Variants in COPB1 observed in about 807,000 individuals in gnomAD.
The protein encoded by COPB1 is coatomer subunit beta.
A neutral mutation model predicts 108.7 loss-of-function variants in COPB1; 21 were observed. The ratio of observed to expected loss-of-function variants is 0.19; its 90% confidence interval spans 0.14 to 0.28. The LOEUF is 0.28. Ranked by LOEUF, COPB1 falls within the 10% of genes least tolerant of loss-of-function variation. COPB1 has a pLI of 1.00. For synonymous variants in COPB1, 378 were observed against 386.8 expected (o/e 0.98, Z 0.27); for missense variants, 919 against 1,141.3 (o/e 0.81, Z 2.81).
chr11:14,477,829 G>A (rs529260829), intron 11 of COPB1, among the ~76,000 whole-genome samples: 4 of 151,178 alleles, frequency 2.6e-5, no homozygotes, highest in South Asian at 4.2e-4. Context: ...CATGAGAGGC[G>A]GCGGTTGCAG....
chr11:14,470,929 C>A (rs1333778622), intron 14 of COPB1, among the ~76,000 whole-genome samples: 1 of 133,752 alleles, frequency 7.5e-6, no homozygotes, highest in African/African-American at 3.5e-5. Context: ...CACACACACA[C>A]ACACACACAC....
intron 8 of COPB1, 49 bp from the exon 9 acceptor site, chr11:14,481,146 AGG>A: frequency 6.9e-7 from 1 of 1,441,580 alleles, no homozygotes. Flanking sequence ...TTCTGGTCAC[AGG>A]AAAAAAATCT....
At position 14,461,461 on chromosome 11, in the gene COPB1, A is replaced by T. The variant is rs1850148301; in HGVS notation, c.2411-130T>A. The T allele has an allele frequency of 7.9e-6, 7 of 890,690 alleles. No individual in the cohort carries two copies. In the South Asian group the frequency reaches 1.3e-4, roughly 16 times the overall value. The allele number at this position is 890,690 out of a possible 1,614,324, so 55.2% of individuals were successfully genotyped here. ...TGTTTATATAATACTTATTATGTAC[A>T]GAGCTCTATTCTACATGCTTTATAA... On this transcript the variant is annotated intron_variant, in intron 18 of 21. Coordinates refer to ENST00000439561, the MANE Select transcript of COPB1 (RefSeq NM_001144061.2).
At chr11:14,468,935 C>A in intron 15 of COPB1, 75 bp from the exon 16 acceptor site, 1 of 1,232,420 alleles carries the variant, frequency 8.1e-7, no homozygotes, top group Non-Finnish European at 1.1e-6. Flanking sequence ...CAGAGACAGC[C>A]CTCACATATG....
Position 14,481,099 on chromosome 11 carries a change from T to C in COPB1, c.958-2A>G. 1 of 1,599,174 alleles carries C rather than the reference T, an allele frequency of 6.3e-7. No individual in the cohort carries two copies. Among genetic ancestry groups the C allele is most frequent in the Non-Finnish European group, 8.5e-7 (1 of 1,174,804 alleles). ...TCTTAGGATATCCATAACCAGATCCTAAAAAAGAAGAAAAAATCAAGAATT... is the reference window on the plus strand; with the variant it reads ...TCTTAGGATATCCATAACCAGATCCCAAAAAAGAAGAAAAAATCAAGAATT... On this transcript the variant is annotated splice_acceptor_variant, in intron 8 of 21. Transcript: ENST00000439561. LOFTEE classifies it high-confidence loss of function.
rs780041296 is a variant in COPB1, at chr11:14,494,450, AAT to A, written c.92-13_92-12del. 74 of 1,435,254 alleles carry A rather than the reference AAT, an allele frequency of 5.2e-5. No homozygotes were observed. The African/African-American group carries it at 9.3e-4, about 18-fold the overall frequency. 88.9% of individuals were successfully genotyped at this position (1,435,254 alleles called of 1,614,324 possible). On this transcript the variant is annotated splice_polypyrimidine_tract_variant and intron_variant, in intron 2 of 21. Coordinates refer to ENST00000439561, the MANE Select transcript of COPB1 (RefSeq NM_001144061.2). ...TTACATCTCCTTTTTCTGAATCAAA[AAT>A]TTTTTTAAAAAAAAGCACAATTATT...
Position 14,494,198 on chromosome 11 carries a change from G to A in COPB1, c.321+12C>T, listed in dbSNP as rs746521172. 5.2e-6 allele frequency: 8 copies of A among 1,528,792 alleles called. No homozygotes were observed. The South Asian group carries it at 8.1e-5, about 16-fold the overall frequency. The allele number at this position is 1,528,792 out of a possible 1,614,324, so 94.7% of individuals were successfully genotyped here. A position where few individuals can be genotyped will look rare whatever the true frequency, so the allele number is the denominator to read the frequency against. ...CAAAGCAATATTCAGAAATAATTAT[G>A]ATTTGGTTTACCTTTCTGTATGCAT... is the stretch of plus-strand genomic sequence containing the variant. On this transcript the variant is annotated intron_variant, in intron 3 of 21. Transcript: ENST00000439561.
At position 14,475,862 on chromosome 11, in the gene COPB1, T is replaced by C; in HGVS notation, c.1539A>G (p.Lys513=). 1 of 1,613,942 alleles carries C rather than the reference T, an allele frequency of 6.2e-7. No individual in the cohort carries two copies. The highest frequency in any genetic ancestry group is 1.1e-5 in the South Asian group (1 of 91,062). ...CATAGGTACCCATTTCAGTAACCAA[T>C]TTCTGAACTGGCCCTACAGTTATTT... The part of the protein sequence containing the change: ...EEEITVGPVQ[K]LVTEMGTYAT... The change falls in exon 13 of 22, where the codon AAA becomes AAG. Residue 513 remains lysine (K), a synonymous_variant. Transcript: ENST00000439561.
intron 8 of COPB1, among the ~76,000 whole-genome samples, chr11:14,482,047 C>T (rs1358307390): frequency 1.3e-5 from 2 of 152,160 alleles, no homozygotes; most frequent in Non-Finnish European, 2.9e-5. Flanking sequence ...CTGCCTCAGC[C>T]TCCCAAAGTG....
chr11:14,473,247 G>C (rs1850446486), intron 14 of COPB1, among the ~76,000 whole-genome samples: 1 of 152,188 alleles, frequency 6.6e-6, no homozygotes, highest in South Asian at 2.1e-4. Context: ...GTGCTGGTGT[G>C]AGTCACCACG....
chr11:14,473,909 A>G (rs1360128554), intron 14 of COPB1: 1 of 151,980 alleles, frequency 6.6e-6, no homozygotes, highest in Admixed American at 6.6e-5. Context: ...TGCTATGTAA[A>G]TAATTGTTAC....
intron 18 of COPB1, among the ~76,000 whole-genome samples, chr11:14,463,643 T>G (rs1162042162): frequency 6.6e-6 from 1 of 152,180 alleles, no homozygotes; most frequent in Non-Finnish European, 1.5e-5. Flanking sequence ...GACCTCTTGT[T>G]TGTGTCCCAG....
In COPB1 at chr11:14,480,804, G is replaced by A; in HGVS notation, c.1167C>T (p.Ser389=). 6.2e-7 allele frequency: 1 copy of A among 1,614,068 alleles called. No individual in the cohort carries two copies. Among genetic ancestry groups the A allele is most frequent in the Non-Finnish European group, 8.5e-7 (1 of 1,179,954 alleles). The part of the protein sequence containing the change: ...YRQLLVRTLH[S]CSVRFPDMAA... ...CCATATCTGGAAATCGGACAGAACAGGAATGCAATGTTCGCACTAGGAGTT... is the reference window on the plus strand; with the variant it reads ...CCATATCTGGAAATCGGACAGAACAAGAATGCAATGTTCGCACTAGGAGTT... Residue 389 remains serine, a synonymous_variant, in exon 10 of 22, where the codon TCC becomes TCT. Coordinates refer to ENST00000439561, the MANE Select transcript of COPB1 (RefSeq NM_001144061.2).
intron 17 of COPB1, 52 bp downstream of exon 17, chr11:14,466,230 C>A: frequency 6.4e-7 from 1 of 1,569,930 alleles, no homozygotes. Flanking sequence ...CTTAATCTGT[C>A]ATAAAGATCT....
chr11:14,492,287 G>A (rs1589968673), intron 4 of COPB1, among the ~76,000 whole-genome samples: 1 of 151,870 alleles, frequency 6.6e-6, no homozygotes. Flanking sequence ...TGAAATTTGT[G>A]TAGTCTGTAT....
In COPB1 at chr11:14,457,592, G is replaced by A; in HGVS notation, c.*232C>T. On this transcript the variant is annotated 3_prime_UTR_variant, in exon 22 of 22. Transcript: ENST00000439561. ...TTATTGTACTGTGAAAAGGGTCTTGGTACATGAAACATTATATACTTTGAG... is the reference window on the plus strand; with the variant it reads ...TTATTGTACTGTGAAAAGGGTCTTGATACATGAAACATTATATACTTTGAG... 2.6e-6 allele frequency: 1 copy of A among 382,094 alleles called. No individual in the cohort carries two copies. The highest frequency in any genetic ancestry group is 4.9e-6 in the Non-Finnish European group (1 of 203,480). 23.7% of individuals were successfully genotyped at this position (382,094 alleles called of 1,614,324 possible).
intron 7 of COPB1, among the ~76,000 whole-genome samples, chr11:14,485,917 A>G (rs1850760795): frequency 6.6e-6 from 1 of 152,200 alleles, no homozygotes; most frequent in African/African-American, 2.4e-5. Context: ...TAAGCTAGAA[A>G]AAAGAAAATG....
rs2134128203 is a variant in COPB1 at position 14,493,743 on chromosome 11, T to C, written c.390A>G (p.Ala130=). The change falls in exon 4 of 22, where the codon GCA becomes GCG. Residue 130 remains alanine (A), a synonymous_variant. Coordinates refer to ENST00000439561, the MANE Select transcript of COPB1 (RefSeq NM_001144061.2). ...TLRFLCKLKE[A]ELLEPLMPAI... is the part of the protein sequence containing the mutation. ...CTGGCATTAAAGGTTCTAGCAATTCTGCTTCTTTCAATTTGCAAAGAAAAC... is the reference window on the plus strand; with the variant it reads ...CTGGCATTAAAGGTTCTAGCAATTCCGCTTCTTTCAATTTGCAAAGAAAAC... 1 of 1,613,662 alleles carries C rather than the reference T, an allele frequency of 6.2e-7. No individual in the cohort carries two copies. Among genetic ancestry groups the C allele is most frequent in the Non-Finnish European group, 8.5e-7 (1 of 1,179,822 alleles).
In COPB1 at chr11:14,477,000, T is replaced by C. The variant is rs775787114; in HGVS notation, c.1374A>G (p.Ala458=). Residue 458 remains alanine (A), a synonymous_variant, in exon 12 of 22, where the codon GCA becomes GCG. Coordinates refer to ENST00000439561, the MANE Select transcript of COPB1 (RefSeq NM_001144061.2). ...TACAGTATTCTCCCAGGATCCATAA[T>C]GCTCCTCGGTAAATCCTAGCACAAT... ...AIKSVKIYRG[A]LWILGEYCST... 2 of 1,607,358 alleles carry C rather than the reference T, an allele frequency of 1.2e-6. No homozygotes were observed. Among genetic ancestry groups the C allele is most frequent in the Admixed American group, 1.7e-5 (1 of 59,996 alleles).
Sources: gnomAD v4.1 joint callset for allele counts (sites outside exome capture counted in the v4.1 genomes callset) on GRCh38, gnomAD v4.1.1 for gene constraint, MANE v1.5 for transcripts, NCBI Gene and HGNC (gene_info 2026-07-23, HGNC 2026-07-21) for gene names.